Variants in TACR3 observed in about 807,000 individuals in gnomAD.
TACR3 encodes tachykinin receptor 3, also known as neuromedin-K receptor.
TACR3 carries 34 observed loss-of-function variants against 35.0 expected under a neutral mutation model. The observed-to-expected ratio is 0.97, with a 90% CI of 0.74 to 1.30. The LOEUF (loss-of-function observed/expected upper bound fraction) is 1.30, where lower values mean the gene tolerates loss of function less well. Among genes scored for constraint, TACR3 ranks in the 50% most tolerant of loss-of-function variants. TACR3 has a pLI of 0.00. For synonymous variants in TACR3, 233 were observed against 221.1 expected (o/e 1.05, Z -0.48); for missense variants, 558 against 591.7 (o/e 0.94, Z 0.59).
chr4:103,695,719 G>C (rs912327907), intron 1 of TACR3, among the ~76,000 whole-genome samples: 14 of 151,540 alleles, frequency 9.2e-5, no homozygotes, highest in African/African-American at 2.7e-4. Flanking sequence ...CTCTGTGTGT[G>C]TGTGTGTGTG....
At chr4:103,710,052 A>G (rs558255564) in intron 1 of TACR3, among the ~76,000 whole-genome samples, 1 of 152,292 alleles carries the variant, frequency 6.6e-6, no homozygotes, top group South Asian at 2.1e-4. Context: ...CCACACAATA[A>G]TAATGCAAGA....
chr4:103,622,760 T>C (rs1384008415), intron 3 of TACR3, among the ~76,000 whole-genome samples: 2 of 151,802 alleles, frequency 1.3e-5, no homozygotes, highest in Non-Finnish European at 2.9e-5. Flanking sequence ...TAAAAAAGAA[T>C]CCAAAATTCA....
intron 1 of TACR3, among the ~76,000 whole-genome samples, chr4:103,694,417 A>G (rs1410484642): frequency 6.6e-6 from 1 of 152,088 alleles, no homozygotes; most frequent in African/African-American, 2.4e-5. Flanking sequence ...TTCCAGGTGG[A>G]CTGCAACTCA....
intron 3 of TACR3, among the ~76,000 whole-genome samples, chr4:103,637,169 C>T (rs1292356388): frequency 2.0e-5 from 3 of 152,142 alleles, no homozygotes; most frequent in African/African-American, 7.2e-5. Context: ...CCTTGATGAA[C>T]ATCGATGCAA....
chr4:103,617,784 AT>A (rs1361358107), intron 3 of TACR3, among the ~76,000 whole-genome samples: 1 of 152,244 alleles, frequency 6.6e-6, no homozygotes, highest in African/African-American at 2.4e-5. Context: ...ATTTTGAAAT[AT>A]TCTACCCTCC....
intron 1 of TACR3, among the ~76,000 whole-genome samples, chr4:103,688,191 C>T (rs1341491950): frequency 6.6e-6 from 1 of 152,096 alleles, no homozygotes; most frequent in African/African-American, 2.4e-5. Context: ...AACTGGCTAG[C>T]CATATGTAGA....
chr4:103,610,328 GATT>G (rs1172138425), intron 3 of TACR3, among the ~76,000 whole-genome samples: 1 of 152,026 alleles, frequency 6.6e-6, no homozygotes, highest in Non-Finnish European at 1.5e-5. Flanking sequence ...ACTGGGATGA[GATT>G]ATATCTCATT....
Position 103,708,910 on chromosome 4 carries a change from T to C in TACR3, c.548+10218A>G, listed in dbSNP as rs746727465. Among the ~76,000 whole-genome samples the C allele has an allele frequency of 2.8e-4, 42 of 152,252 alleles. No individual in the cohort carries two copies. In the Middle Eastern group the frequency reaches 0.01, roughly 37 times the overall value. ...TAACTGGAAGAAAGGGTATCAGTGATTGAAGATCAAATTAATGAAATGAAG... is the reference window on the plus strand; with the variant it reads ...TAACTGGAAGAAAGGGTATCAGTGACTGAAGATCAAATTAATGAAATGAAG... On this transcript the variant is annotated intron_variant, in intron 1 of 4. Coordinates refer to ENST00000304883, the MANE Select transcript of TACR3 (RefSeq NM_001059.3).
intron 1 of TACR3, among the ~76,000 whole-genome samples, chr4:103,700,111 A>G (rs1722616470): frequency 6.6e-6 from 1 of 152,166 alleles, no homozygotes; most frequent in South Asian, 2.1e-4. Context: ...GATTTTAATC[A>G]CAGGTACTCC....
At chr4:103,702,246 G>C (rs1036463415) in intron 1 of TACR3, among the ~76,000 whole-genome samples, 2 of 152,146 alleles carry the variant, frequency 1.3e-5, no homozygotes, top group African/African-American at 4.8e-5. Context: ...CAAAGGATAT[G>C]AACACACACT....
chr4:103,683,470 C>CAAAAAAAAAAAAAAA (rs57761679), intron 1 of TACR3, among the ~76,000 whole-genome samples: 42 of 21,148 alleles, frequency 2.0e-3, no homozygotes, highest in Admixed American at 4.5e-3. Context: ...AAAGACTGAC[C>CAAAAAAAAAAAAAAA]AAAAAAAAAA....
At chr4:103,624,609 C>A (rs996384748) in intron 3 of TACR3, 2 of 151,886 alleles carry the variant, frequency 1.3e-5, no homozygotes, top group African/African-American at 4.8e-5. Context: ...AAAGTCTCCC[C>A]GAAATCTTTG....
chr4:103,647,398 TG>T (rs1725486149), intron 3 of TACR3, among the ~76,000 whole-genome samples: 1 of 151,930 alleles, frequency 6.6e-6, no homozygotes, highest in African/African-American at 2.4e-5. Flanking sequence ...CAAATTGGAA[TG>T]TAAGCATTAA....
rs1481827258 is a variant in TACR3 at position 103,719,924 on chromosome 4, G to T, written c.-249C>A. ...AAGAATGAGATCCTCCCGAGATTAA[G>T]GGTTATCGAGTCACATCACACGTAG... On this transcript the variant is annotated 5_prime_UTR_variant, in exon 1 of 5. Coordinates refer to ENST00000304883, the MANE Select transcript of TACR3 (RefSeq NM_001059.3). The T allele has an allele frequency of 8.5e-6, 5 of 588,334 alleles. No homozygotes were observed. The highest frequency in any genetic ancestry group is 1.2e-5 in the Non-Finnish European group (4 of 330,700). The allele number at this position is 588,334 out of a possible 1,614,324, so 36.4% of individuals were successfully genotyped here. A position where few individuals can be genotyped will look rare whatever the true frequency, so the allele number is the denominator to read the frequency against.
chr4:103,636,243 T>C (rs80175472), intron 3 of TACR3, among the ~76,000 whole-genome samples: 15,670 of 151,890 alleles, frequency 0.1, 1,408 homozygotes, highest in African/African-American at 0.24. Context: ...AACAAACCCA[T>C]CTGAACTAAA....
intron 3 of TACR3, among the ~76,000 whole-genome samples, chr4:103,595,159 C>T (rs1291486491): frequency 6.6e-6 from 1 of 152,106 alleles, no homozygotes; most frequent in Admixed American, 6.6e-5. Context: ...GAGCAGTTAC[C>T]ACTGTATTGC....
intron 3 of TACR3, among the ~76,000 whole-genome samples, chr4:103,649,271 A>G (rs1725529769): frequency 6.6e-6 from 1 of 151,958 alleles, no homozygotes; most frequent in African/African-American, 2.4e-5. Flanking sequence ...CCTTTGCTGC[A>G]CAGAAGCTTT....
At chr4:103,682,477 C>A (rs1247793242) in intron 1 of TACR3, among the ~76,000 whole-genome samples, 1 of 152,092 alleles carries the variant, frequency 6.6e-6, no homozygotes, top group Non-Finnish European at 1.5e-5. Context: ...ATAAAACCAT[C>A]AGATCTTGTG....
chr4:103,649,335 T>C (rs1725531295), intron 3 of TACR3, among the ~76,000 whole-genome samples: 1 of 152,072 alleles, frequency 6.6e-6, no homozygotes, highest in Non-Finnish European at 1.5e-5. Context: ...CCTGTGCTTG[T>C]TGGGTATTAC....
Sources: allele counts gnomAD v4.1 joint callset (sites outside exome capture counted in the v4.1 genomes callset), GRCh38; gene constraint gnomAD v4.1.1; transcripts MANE v1.5; gene names NCBI Gene and HGNC (gene_info 2026-07-23, HGNC 2026-07-21).